Variants in CDC20B observed in about 807,000 individuals in gnomAD.
CDC20B encodes cell division cycle 20B.
In CDC20B, 58 loss-of-function variants were observed where a neutral mutation model predicts 64.1. That is an observed-to-expected ratio of 0.90 (90% confidence interval 0.73 to 1.13). CDC20B has a LOEUF of 1.13. CDC20B is among the 50% of genes most tolerant of loss of function. The pLI, the probability that CDC20B is intolerant of heterozygous loss-of-function variation, is 0.00. For missense variants in CDC20B, 597 were observed against 633.0 expected (o/e 0.94, Z 0.61); for synonymous variants, 243 against 230.6 (o/e 1.05, Z -0.49).
At chr5:55,158,444 G>C (rs1338530898) in intron 2 of CDC20B, among the ~76,000 whole-genome samples, 4 of 152,114 alleles carry the variant, frequency 2.6e-5, no homozygotes, top group Non-Finnish European at 5.9e-5. Flanking sequence ...TTTTTCTACT[G>C]TATCCATTCT....
At chr5:55,170,027 T>C (rs1032332128) in intron 2 of CDC20B, among the ~76,000 whole-genome samples, 1 of 151,538 alleles carries the variant, frequency 6.6e-6, no homozygotes, top group Non-Finnish European at 1.5e-5. Context: ...GGCAGGAGAA[T>C]GGCGTGAACC....
chr5:55,162,987 A>G (rs1333038407), intron 2 of CDC20B, among the ~76,000 whole-genome samples: 1 of 152,158 alleles, frequency 6.6e-6, no homozygotes, highest in Non-Finnish European at 1.5e-5. Context: ...GCTTCCATTT[A>G]TCTCATCTGC....
intron 3 of CDC20B, among the ~76,000 whole-genome samples, chr5:55,144,728 G>C (rs1002146040): frequency 1.3e-5 from 2 of 152,202 alleles, no homozygotes; most frequent in African/African-American, 4.8e-5. Context: ...GAAAGAAAAA[G>C]TTGCAGTCAG....
At chr5:55,131,616 G>T (rs1345631045) in intron 6 of CDC20B, among the ~76,000 whole-genome samples, 1 of 152,228 alleles carries the variant, frequency 6.6e-6, no homozygotes, top group Non-Finnish European at 1.5e-5. Flanking sequence ...CTATAACAAT[G>T]AGGAGTTCTT....
chr5:55,119,995 G>T, intron 10 of CDC20B, 77 bp from the exon 11 acceptor site: 2 of 1,042,744 alleles, frequency 1.9e-6, no homozygotes, highest in Non-Finnish European at 1.5e-6. Flanking sequence ...GTTACAGGCA[G>T]TATGCACTGT....
intron 9 of CDC20B, among the ~76,000 whole-genome samples, chr5:55,123,891 C>A (rs1742815284): frequency 1.3e-5 from 2 of 152,130 alleles, no homozygotes; most frequent in Admixed American, 1.3e-4. Flanking sequence ...TGGGCCAGTA[C>A]AATGTAGTGG....
chr5:55,147,112 A>G (rs1337325641), intron 2 of CDC20B, among the ~76,000 whole-genome samples: 2 of 145,408 alleles, frequency 1.4e-5, no homozygotes, highest in Non-Finnish European at 3.0e-5. Flanking sequence ...ATATATTTAT[A>G]TATTATATAA....
Position 55,128,487 on chromosome 5 carries a change from G to GAT in CDC20B, c.826_827dup (p.Ser278LeufsTer6), listed in dbSNP as rs1188515738. 1 of 1,611,564 alleles carries GAT rather than the reference G, an allele frequency of 6.2e-7. No individual in the cohort carries two copies. Among genetic ancestry groups the GAT allele is most frequent in the Admixed American group, 1.7e-5 (1 of 59,266 alleles). On this transcript the variant is annotated frameshift_variant, in exon 7 of 12. Coordinates refer to ENST00000381375, the MANE Select transcript of CDC20B (RefSeq NM_001170402.1). LOFTEE classifies it high-confidence loss of function. ...CCTCTTTTATCCAGGACACAGAAGA[G>GAT]ATATAGTTACAAGTGAGACTTAAGT...
At chr5:55,116,122 T>G (rs1471894913) in intron 11 of CDC20B, among the ~76,000 whole-genome samples, 1 of 152,238 alleles carries the variant, frequency 6.6e-6, no homozygotes, top group Non-Finnish European at 1.5e-5. Flanking sequence ...GCTGTGACTA[T>G]TCAGACCACA....
At chr5:55,124,604 A>G (rs1742829759) in intron 9 of CDC20B, among the ~76,000 whole-genome samples, 199 bp downstream of exon 9, 1 of 152,234 alleles carries the variant, frequency 6.6e-6, no homozygotes, top group Non-Finnish European at 1.5e-5. Context: ...CTTTGGTTTC[A>G]GTCACCTACA....
chr5:55,119,327 A>T (rs1742700103), intron 11 of CDC20B, among the ~76,000 whole-genome samples: 1 of 152,114 alleles, frequency 6.6e-6, no homozygotes, highest in Non-Finnish European at 1.5e-5. Flanking sequence ...TCTTTCTCTC[A>T]AGAAGTACCC....
chr5:55,127,149 T>G, intron 8 of CDC20B, 108 bp downstream of exon 8: 1 of 942,698 alleles, frequency 1.1e-6, no homozygotes, highest in Non-Finnish European at 1.7e-6. Context: ...ATGGCCTATT[T>G]TGTTTTATTT....
rs747774198 is a variant in CDC20B, at chr5:55,128,485, G to A, written c.830C>T (p.Ser277Phe). ...IDLSLTCNYI[S>F]SVSWIKEGTC... ...TCCCTCTTTTATCCAGGACACAGAA[G>A]AGATATAGTTACAAGTGAGACTTAA... The change falls in exon 7 of 12, where the codon TCT becomes TTT. Residue 277 changes from serine (S) to phenylalanine (F), a missense_variant. Around this residue, in one of 3 missense-constraint regions of CDC20B, gnomAD observed 353 missense variants for 397.0 expected, o/e 0.89. Coordinates refer to ENST00000381375, the MANE Select transcript of CDC20B (RefSeq NM_001170402.1). 1 of 1,610,726 alleles carries A rather than the reference G, an allele frequency of 6.2e-7. No homozygotes were observed. The highest frequency in any genetic ancestry group is 1.1e-5 in the South Asian group (1 of 90,032).
chr5:55,145,730 TTTCTTCC>T (rs1224256225), intron 3 of CDC20B, among the ~76,000 whole-genome samples: 19 of 151,608 alleles, frequency 1.3e-4, no homozygotes, highest in Non-Finnish European at 2.7e-4. Context: ...TTCTTTCTTC[TTTCTTCC>T]TCCTCCTCCT....
chr5:55,151,261 T>G (rs1743660838), intron 2 of CDC20B, among the ~76,000 whole-genome samples: 1 of 152,218 alleles, frequency 6.6e-6, no homozygotes, highest in Non-Finnish European at 1.5e-5. Context: ...ATTTTCCCAC[T>G]TTTTAAAGTG....
chr5:55,134,308 T>A (rs1190022685), intron 5 of CDC20B, among the ~76,000 whole-genome samples: 1 of 152,152 alleles, frequency 6.6e-6, no homozygotes, highest in Non-Finnish European at 1.5e-5. Flanking sequence ...TTCACAATGC[T>A]ACACCAAGAA....
chr5:55,161,248 T>G, intron 2 of CDC20B: 1 of 1,613,302 alleles, frequency 6.2e-7, no homozygotes, highest in Non-Finnish European at 8.5e-7. Flanking sequence ...CATTTAGATT[T>G]CTTGTTGGTA....
intron 5 of CDC20B, 137 bp from the exon 6 acceptor site, chr5:55,133,665 G>T: frequency 2.2e-6 from 1 of 444,804 alleles, no homozygotes. Context: ...TAAAACTACA[G>T]TACAAAGAGC....
chr5:55,151,689 C>T (rs1743672546), intron 2 of CDC20B, among the ~76,000 whole-genome samples: 1 of 152,172 alleles, frequency 6.6e-6, no homozygotes, highest in Non-Finnish European at 1.5e-5. Flanking sequence ...CTGTCCACCC[C>T]AAATGTTTCC....
Sources: gnomAD v4.1 joint callset for allele counts (sites outside exome capture counted in the v4.1 genomes callset) on GRCh38, gnomAD v4.1.1 for gene constraint, gnomAD v4.1.1 regional missense constraint, MANE v1.5 for transcripts, NCBI Gene and HGNC (gene_info 2026-07-23, HGNC 2026-07-21) for gene names.